PCDHGA5: variants seen among roughly 807,000 people sequenced by gnomAD.
The protein encoded by PCDHGA5 is protocadherin gamma subfamily A, 5.
Under a neutral mutation model 56.7 loss-of-function variants are expected in PCDHGA5, and 36 were observed. The observed-to-expected ratio is 0.64, with a 90% CI of 0.49 to 0.84. The LOEUF (loss-of-function observed/expected upper bound fraction) is 0.84, where lower values mean the gene tolerates loss of function less well. Ranked by LOEUF, PCDHGA5 falls within the 40% of genes least tolerant of loss-of-function variation. PCDHGA5 has a pLI of 0.00. For synonymous variants in PCDHGA5, 563 were observed against 520.2 expected (o/e 1.08, Z -1.12); for missense variants, 1,305 against 1,201.5 (o/e 1.09, Z -1.27).
rs771088007 is a variant in PCDHGA5, at chr5:141,423,000, G to A, written c.2421+56249G>A. On this transcript the variant is annotated intron_variant, in intron 1 of 3. Transcript: ENST00000518069. ...CGGAACCTGGCTACCTGGTGACCAA[G>A]GTGGTTGCGGTGGACAAAGATTCAG... The A allele has an allele frequency of 9.3e-6, 15 of 1,614,116 alleles. No homozygotes were observed. The African/African-American group carries it at 1.9e-4, about 20-fold the overall frequency.
intron 1 of PCDHGA5, among the ~76,000 whole-genome samples, chr5:141,436,122 C>T (rs909678739): frequency 4.6e-5 from 7 of 152,128 alleles, no homozygotes; most frequent in African/African-American, 7.2e-5. Flanking sequence ...AACCTCTCTC[C>T]TCCATCATCT....
At chr5:141,394,584 G>A in intron 1 of PCDHGA5, 1 of 1,613,902 alleles carries the variant, frequency 6.2e-7, no homozygotes. Context: ...GGTGACCAAG[G>A]TGGTGGCGGT....
At chr5:141,423,150 G>T in intron 1 of PCDHGA5, 1 of 1,613,538 alleles carries the variant, frequency 6.2e-7, no homozygotes, top group Non-Finnish European at 8.5e-7. Flanking sequence ...CGCTCAAGCA[G>T]AGCCTCGTGG....
At chr5:141,393,079 GGATA>G (rs1414303760) in intron 1 of PCDHGA5, 2 of 1,613,582 alleles carry the variant, frequency 1.2e-6, no homozygotes, top group Non-Finnish European at 1.7e-6. Context: ...ACCGCGGGCA[GGATA>G]GATCGGGAGG....
At chr5:141,424,772 G>A (rs2096839878) in intron 1 of PCDHGA5, 1 of 152,086 alleles carries the variant, frequency 6.6e-6, no homozygotes, top group Non-Finnish European at 1.5e-5. Flanking sequence ...ATGGCAAATA[G>A]TACATTCAGT....
intron 1 of PCDHGA5, 97 bp from the exon 2 acceptor site, chr5:141,494,710 C>G: frequency 6.2e-7 from 1 of 1,600,966 alleles, no homozygotes; most frequent in Admixed American, 1.7e-5. Context: ...TCTCTGTGCC[C>G]ACTCCCCTCC....
chr5:141,372,619 C>A, intron 1 of PCDHGA5: 1 of 1,613,968 alleles, frequency 6.2e-7, no homozygotes, highest in South Asian at 1.1e-5. Context: ...GTTCTCCCCA[C>A]CTACAGCGAA....
At chr5:141,496,662 T>A (rs557106775) in intron 2 of PCDHGA5, among the ~76,000 whole-genome samples, 1 of 152,344 alleles carries the variant, frequency 6.6e-6, no homozygotes, top group African/African-American at 2.4e-5. Flanking sequence ...TGACCCCAGC[T>A]GTTGTCCTTC....
chr5:141,443,274 A>G (rs1259320198), intron 1 of PCDHGA5, among the ~76,000 whole-genome samples: 12 of 151,534 alleles, frequency 7.9e-5, no homozygotes, highest in African/African-American at 1.7e-4. Context: ...TGAGCCCAGG[A>G]GTTTGAGACC....
intron 1 of PCDHGA5, among the ~76,000 whole-genome samples, chr5:141,481,678 G>A (rs1033213047): frequency 6.6e-6 from 1 of 152,006 alleles, no homozygotes; most frequent in African/African-American, 2.4e-5. Flanking sequence ...ATCAGGCCGG[G>A]CCTGGTGGCT....
chr5:141,393,367 G>T, intron 1 of PCDHGA5: 1 of 1,613,962 alleles, frequency 6.2e-7, no homozygotes, highest in South Asian at 1.1e-5. Context: ...GTGCAGACTG[G>T]AGACAATGGA....
rs763104309 is a variant in PCDHGA5, at chr5:141,432,042, G to A, written c.2422-62765G>A. 5 of 1,614,090 alleles carry A rather than the reference G, an allele frequency of 3.1e-6. No homozygotes were observed. The African/African-American group carries it at 6.7e-5, about 22-fold the overall frequency. ...ATCACAGTGACCGCCACTGACCGGG[G>A]AACCCCGCCCCTATCCACGGAAACT... On this transcript the variant is annotated intron_variant, in intron 1 of 3. Transcript: ENST00000518069. The surrounding 1 kb of genome is among the most constrained non-coding windows in gnomAD (Gnocchi z 6.0).
chr5:141,489,844 C>T lies in PCDHGA5; in HGVS notation c.2422-4963C>T, dbSNP rs1004902910. 4.3e-6 allele frequency: 7 copies of T among 1,614,148 alleles called. No homozygotes were observed. The African/African-American group carries it at 9.3e-5, about 22-fold the overall frequency. ...GCTGGTGCTAGAGCAGCAGCTGGAT[C>T]GTGAAGCCCAGGCAAGACATCAGCT... On this transcript the variant is annotated intron_variant, in intron 1 of 3. Transcript: ENST00000518069. The surrounding 1 kb of genome is among the most constrained non-coding windows in gnomAD (Gnocchi z 4.5).
chr5:141,447,064 C>T (rs1453083716), intron 1 of PCDHGA5, among the ~76,000 whole-genome samples: 1 of 152,064 alleles, frequency 6.6e-6, no homozygotes, highest in Non-Finnish European at 1.5e-5. Context: ...ATGTGTCAGG[C>T]TGTTTTAATT....
intron 2 of PCDHGA5, among the ~76,000 whole-genome samples, chr5:141,496,703 GT>G (rs1360916053): frequency 6.6e-6 from 1 of 152,132 alleles, no homozygotes; most frequent in East Asian, 1.9e-4. Context: ...CTTCTCATAA[GT>G]TATCCATTAA....
At chr5:141,455,239 G>A (rs1034181635) in intron 1 of PCDHGA5, among the ~76,000 whole-genome samples, 1 of 151,898 alleles carries the variant, frequency 6.6e-6, no homozygotes, top group African/African-American at 2.4e-5. Context: ...AAATGTTAAA[G>A]GTCATAGTAC....
chr5:141,369,299 CATT>C (rs1766146509), intron 1 of PCDHGA5, among the ~76,000 whole-genome samples: 1 of 152,112 alleles, frequency 6.6e-6, no homozygotes. Context: ...AATAACGCAT[CATT>C]GTTAGGCTAC....
chr5:141,498,284 G>A (rs1339639509), intron 2 of PCDHGA5, among the ~76,000 whole-genome samples: 1 of 152,004 alleles, frequency 6.6e-6, no homozygotes, highest in Non-Finnish European at 1.5e-5. Flanking sequence ...CTTGGTTCAA[G>A]ATCAAGCCAG....
At chr5:141,415,736 TA>T in intron 1 of PCDHGA5, 1 of 1,289,980 alleles carries the variant, frequency 7.8e-7, no homozygotes, top group South Asian at 1.8e-5. Context: ...TGATGTTTAT[TA>T]AGGTTTTTTT....
Sources: allele counts gnomAD v4.1 joint callset (sites outside exome capture counted in the v4.1 genomes callset), GRCh38; gene constraint gnomAD v4.1.1; non-coding constraint Gnocchi (gnomAD v3.1); transcripts MANE v1.5; gene names NCBI Gene and HGNC (gene_info 2026-07-23, HGNC 2026-07-21).